The following SUCLG2 variants were observed in gnomAD, a reference collection of about 807,000 sequenced individuals.
SUCLG2 encodes the protein succinate--CoA ligase [GDP-forming] subunit beta, mitochondrial.
In SUCLG2, 42 loss-of-function variants were observed where a neutral mutation model predicts 47.9. That is an observed-to-expected ratio of 0.88 (90% CI 0.69 to 1.14). The LOEUF is 1.14. Among genes scored for constraint, SUCLG2 ranks in the 50% most tolerant of loss-of-function variants. The probability of loss-of-function intolerance (pLI) is 0.00; values close to 1 mark genes in which losing one functional copy is unlikely to be tolerated. For synonymous variants in SUCLG2, 195 were observed against 197.3 expected, an observed-to-expected ratio of 0.99 and a Z score of 0.10; for missense variants, 571 against 525.9, an observed-to-expected ratio of 1.09 and a Z score of -0.84.
chr3:67,433,316 C>G (rs1207677814), intron 9 of SUCLG2, among the ~76,000 whole-genome samples: 1 of 152,184 alleles, frequency 6.6e-6, no homozygotes, highest in East Asian at 1.9e-4. Flanking sequence ...TTACTTCAAG[C>G]TAAATATGCT....
intron 2 of SUCLG2, among the ~76,000 whole-genome samples, chr3:67,578,744 G>A (rs897874723): frequency 1.3e-5 from 2 of 152,190 alleles, no homozygotes; most frequent in African/African-American, 4.8e-5. Flanking sequence ...AGAAAGACAA[G>A]GCAAGGAATT....
At chr3:67,613,834 T>A (rs540381688) in intron 1 of SUCLG2, among the ~76,000 whole-genome samples, 1 of 152,332 alleles carries the variant, frequency 6.6e-6, no homozygotes, top group Admixed American at 6.5e-5. Flanking sequence ...TCCCTGTGTT[T>A]GTATTCTGGT....
chr3:67,574,491 A>G (rs889615298), intron 2 of SUCLG2, among the ~76,000 whole-genome samples: 1 of 152,262 alleles, frequency 6.6e-6, no homozygotes, highest in African/African-American at 2.4e-5. Context: ...CCTCTGTTCA[A>G]AAAATGGTAG....
intron 10 of SUCLG2, among the ~76,000 whole-genome samples, chr3:67,361,994 G>A (rs1025489885): frequency 6.6e-6 from 1 of 152,144 alleles, no homozygotes; most frequent in African/African-American, 2.4e-5. Context: ...TCAGCCAGCT[G>A]GTTCCCAGAC....
chr3:67,393,803 G>A (rs533896922), intron 10 of SUCLG2, among the ~76,000 whole-genome samples: 5 of 152,186 alleles, frequency 3.3e-5, no homozygotes, highest in Admixed American at 6.5e-5. Flanking sequence ...TCACATGGCC[G>A]GGTACTCCTC....
chr3:67,399,544 C>T (rs1702636525), intron 10 of SUCLG2, among the ~76,000 whole-genome samples: 3 of 152,190 alleles, frequency 2.0e-5, no homozygotes, highest in South Asian at 4.1e-4. Flanking sequence ...AGACAATGTG[C>T]ACCTGCCCTG....
At chr3:67,462,369 T>A (rs1704358155) in intron 9 of SUCLG2, among the ~76,000 whole-genome samples, 1 of 152,218 alleles carries the variant, frequency 6.6e-6, no homozygotes, top group Non-Finnish European at 1.5e-5. Context: ...AGCATCTGTA[T>A]AGACAGGCCT....
At chr3:67,596,623 A>G (rs1708299410) in intron 2 of SUCLG2, among the ~76,000 whole-genome samples, 1 of 152,140 alleles carries the variant, frequency 6.6e-6, no homozygotes, top group Non-Finnish European at 1.5e-5. Context: ...CCAAGCAGTG[A>G]ACGTCTTGGA....
At chr3:67,404,548 C>T (rs1315098110) in intron 9 of SUCLG2, among the ~76,000 whole-genome samples, 1 of 152,034 alleles carries the variant, frequency 6.6e-6, no homozygotes, top group Non-Finnish European at 1.5e-5. Flanking sequence ...CTGCTTAGCT[C>T]AGGGAAATGG....
At chr3:67,569,817 G>A (rs1707561161) in intron 2 of SUCLG2, among the ~76,000 whole-genome samples, 1 of 152,148 alleles carries the variant, frequency 6.6e-6, no homozygotes, top group Non-Finnish European at 1.5e-5. Context: ...TTAAGATTTT[G>A]GGGGCTGTTG....
rs1178821234 is a variant in SUCLG2 at position 67,495,798 on chromosome 3, C to T, written c.1062G>A (p.Lys354=). The change falls in exon 9 of 11, where the codon AAG becomes AAA. Residue 354 remains lysine (K), a splice_region_variant and synonymous_variant. Transcript: ENST00000307227. The stretch of plus-strand genomic sequence containing the variant: ...ATCTCCCTACAAAGAGAAAGGTTAC[C>T]TTAGGATCAGCTGTGAGCAATTTGA... ...QAFKLLTADP[K]VEAILVNIFG... 1 of 1,613,504 alleles carries T rather than the reference C, an allele frequency of 6.2e-7. No homozygotes were observed. Among genetic ancestry groups the T allele is most frequent in the Non-Finnish European group, 8.5e-7 (1 of 1,179,926 alleles).
At chr3:67,650,354 C>G (rs1295124373) in intron 1 of SUCLG2, among the ~76,000 whole-genome samples, 3 of 152,214 alleles carry the variant, frequency 2.0e-5, no homozygotes, top group Non-Finnish European at 4.4e-5. Flanking sequence ...TCTGAGTATA[C>G]AACAGCAGGG....
At chr3:67,410,572 T>C (rs6782194) in intron 9 of SUCLG2, among the ~76,000 whole-genome samples, 13,091 of 152,184 alleles carry the variant, frequency 0.086, 674 homozygotes, top group African/African-American at 0.14. Flanking sequence ...ACAAAAACCA[T>C]TTGGACATTT....
At chr3:67,570,697 C>T (rs983161626) in intron 2 of SUCLG2, among the ~76,000 whole-genome samples, 1 of 152,200 alleles carries the variant, frequency 6.6e-6, no homozygotes, top group Non-Finnish European at 1.5e-5. Flanking sequence ...GCTGGCAATA[C>T]TCTGTACATA....
At chr3:67,512,903 A>G (rs1705834790) in intron 6 of SUCLG2, among the ~76,000 whole-genome samples, 1 of 150,394 alleles carries the variant, frequency 6.6e-6, no homozygotes. Flanking sequence ...ATATTTTCAC[A>G]CACACACACC....
chr3:67,562,049 T>G (rs1707321895), intron 2 of SUCLG2, among the ~76,000 whole-genome samples: 1 of 152,076 alleles, frequency 6.6e-6, no homozygotes, highest in African/African-American at 2.4e-5. Flanking sequence ...CCCTTCTGCA[T>G]TTTTGATGGG....
At chr3:67,446,737 C>T (rs1209300490) in intron 9 of SUCLG2, among the ~76,000 whole-genome samples, 1 of 151,830 alleles carries the variant, frequency 6.6e-6, no homozygotes, top group Non-Finnish European at 1.5e-5. Context: ...CAGCCATGTG[C>T]AGGTCTTTTT....
intron 9 of SUCLG2, among the ~76,000 whole-genome samples, chr3:67,412,012 T>C (rs953676624): frequency 1.3e-5 from 2 of 152,188 alleles, no homozygotes; most frequent in African/African-American, 4.8e-5. Context: ...GTAGAATTCA[T>C]TCTACACTGA....
intron 2 of SUCLG2, among the ~76,000 whole-genome samples, chr3:67,541,957 C>T (rs960286553): frequency 6.6e-6 from 1 of 152,018 alleles, no homozygotes; most frequent in Non-Finnish European, 1.5e-5. Context: ...CAACCTCCTC[C>T]TCCTGGGTTC....
Sources: gnomAD v4.1 joint callset for allele counts (sites outside exome capture counted in the v4.1 genomes callset) on GRCh38, gnomAD v4.1.1 for gene constraint, MANE v1.5 for transcripts, NCBI Gene and HGNC (gene_info 2026-07-23, HGNC 2026-07-21) for gene names.